The following TENM3 variants were observed in gnomAD, a reference collection of about 807,000 sequenced individuals.
TENM3 encodes teneurin transmembrane protein 3, also known as teneurin-3.
Under a neutral mutation model 255.1 loss-of-function variants are expected in TENM3, and 63 were observed. That is an observed-to-expected ratio of 0.25 (90% CI 0.20 to 0.30). The LOEUF (loss-of-function observed/expected upper bound fraction) is 0.30, where lower values mean the gene tolerates loss of function less well. Among genes scored for constraint, TENM3 ranks in the 10% least tolerant of loss-of-function variants. TENM3 has a pLI of 1.00. For synonymous variants in TENM3, 1,306 were observed against 1,322.3 expected, an observed-to-expected ratio of 0.99 and a Z score of 0.27; for missense variants, 2,929 against 3,461.1, an observed-to-expected ratio of 0.85 and a Z score of 3.86.
intron 4 of TENM3, among the ~76,000 whole-genome samples, chr4:182,613,891 A>G (rs1270475360): frequency 1.3e-5 from 2 of 152,230 alleles, no homozygotes; most frequent in Non-Finnish European, 2.9e-5. Flanking sequence ...AGTGAAGTGT[A>G]TCTTGTTTAT....
At chr4:181,769,309 A>C in the TENM3 span, among the ~76,000 whole-genome samples, 133 of 152,332 alleles carry the variant, frequency 8.7e-4, no homozygotes, top group African/African-American at 3.1e-3. Context: ...CAGCTTCCGC[A>C]TGCAAAGGAG....
At chr4:182,668,056 T>C (rs570524069) in intron 6 of TENM3, among the ~76,000 whole-genome samples, 2 of 152,126 alleles carry the variant, frequency 1.3e-5, no homozygotes, top group Non-Finnish European at 2.9e-5. Flanking sequence ...TCTCTCTTTC[T>C]TGATGTATTT....
chr4:181,941,440 C>G, the TENM3 span, among the ~76,000 whole-genome samples: 3 of 151,986 alleles, frequency 2.0e-5, no homozygotes, highest in Non-Finnish European at 4.4e-5. Context: ...GTTGCCTGAT[C>G]TGCTATTAAG....
chr4:181,770,368 T>A, the TENM3 span, among the ~76,000 whole-genome samples: 129 of 152,304 alleles, frequency 8.5e-4, no homozygotes, highest in African/African-American at 2.9e-3. Context: ...AGTGCTAACC[T>A]CACTGTCTTA....
intron 3 of TENM3, among the ~76,000 whole-genome samples, chr4:182,599,375 T>C (rs1374217715): frequency 6.6e-6 from 1 of 152,198 alleles, no homozygotes; most frequent in East Asian, 1.9e-4. Flanking sequence ...CAGTTTCTGG[T>C]ATGGGAAATT....
Position 182,387,199 on chromosome 4 carries a change from A to C in TENM3, c.511+40270A>C, listed in dbSNP as rs564971835. 6.7e-5 allele frequency among the ~76,000 whole-genome samples: 10 copies of C among 150,142 alleles called. No homozygotes were observed. In the East Asian group the frequency reaches 2.0e-3, roughly 30 times the overall value. On this transcript the variant is annotated intron_variant, in intron 3 of 27. Coordinates refer to ENST00000511685, the MANE Select transcript of TENM3 (RefSeq NM_001080477.4). ...GGGATTGTAAATACACCAATCGGCA[A>C]TCTGTATCTAGCTCAAGGTTTGTAA... is the stretch of plus-strand genomic sequence containing the variant.
the TENM3 span, among the ~76,000 whole-genome samples, chr4:181,715,493 ATAC>A: frequency 6.6e-6 from 1 of 152,226 alleles, no homozygotes; most frequent in African/African-American, 2.4e-5. Context: ...TATAAATATT[ATAC>A]TTTTATGGAA....
chr4:182,300,260 A>G (rs1761773107), intron 1 of TENM3, among the ~76,000 whole-genome samples: 1 of 149,208 alleles, frequency 6.7e-6, no homozygotes. Context: ...TGAAAGAAGC[A>G]AGGGAAGAAG....
the TENM3 span, among the ~76,000 whole-genome samples, chr4:181,624,829 G>C: frequency 1.3e-5 from 2 of 152,312 alleles, no homozygotes; most frequent in South Asian, 4.1e-4. Flanking sequence ...CACAGTTGCA[G>C]TTGTGTGGTG....
At chr4:182,347,446 AT>A (rs1271836034) in intron 3 of TENM3, among the ~76,000 whole-genome samples, 1 of 152,200 alleles carries the variant, frequency 6.6e-6, no homozygotes, top group Non-Finnish European at 1.5e-5. Context: ...AAATATGATC[AT>A]GCTTTAAACT....
the TENM3 span, among the ~76,000 whole-genome samples, chr4:181,720,484 GTATT>G: frequency 5.3e-5 from 8 of 152,136 alleles, no homozygotes; most frequent in Non-Finnish European, 1.0e-4. Flanking sequence ...CTGATTGAAA[GTATT>G]TATACAGGGC....
chr4:182,359,458 G>A (rs1375151826), intron 3 of TENM3, among the ~76,000 whole-genome samples: 4 of 150,568 alleles, frequency 2.7e-5, no homozygotes, highest in African/African-American at 4.9e-5. Context: ...GAGAGTGTAT[G>A]TGTCGAGGAA....
At position 182,206,435 on chromosome 4, in the gene TENM3, C is replaced by G. The variant is rs545712256; in HGVS notation, c.-76+61681C>G. ...GGCCAGGGGGCTGCTGATGGATTCA[C>G]GAGAATGTCTCCCTCTCTGAGCCTT... On this transcript the variant is annotated intron_variant, in intron 1 of 2. Transcript: ENST00000512480. 8.0e-4 allele frequency among the ~76,000 whole-genome samples: 122 copies of G among 152,280 alleles called. 1 individual carries two copies. The highest frequency in any genetic ancestry group is 2.8e-3 in the African/African-American group (115 of 41,564).
At chr4:181,680,497 C>A in the TENM3 span, among the ~76,000 whole-genome samples, 1 of 152,214 alleles carries the variant, frequency 6.6e-6, no homozygotes, top group South Asian at 2.1e-4. Flanking sequence ...GGATGTCTTG[C>A]CGAAGCAACC....
At chr4:181,965,656 G>A in the TENM3 span, among the ~76,000 whole-genome samples, 22 of 152,138 alleles carry the variant, frequency 1.4e-4, no homozygotes, top group African/African-American at 4.8e-4. Context: ...TCTTAAGAAT[G>A]TCATGTTACA....
chr4:182,563,343 G>A (rs1342018690), intron 3 of TENM3, among the ~76,000 whole-genome samples: 1 of 152,138 alleles, frequency 6.6e-6, no homozygotes, highest in Non-Finnish European at 1.5e-5. Flanking sequence ...GGAGGCAGGA[G>A]AATCGCTAGA....
intron 3 of TENM3, among the ~76,000 whole-genome samples, chr4:182,415,836 C>T (rs558514410): frequency 1.3e-4 from 20 of 152,170 alleles, no homozygotes; most frequent in African/African-American, 2.4e-4. Context: ...TGACCTGTTA[C>T]GTTTCTGCTT....
intron 3 of TENM3, among the ~76,000 whole-genome samples, chr4:182,598,076 G>C (rs1747447317): frequency 6.6e-6 from 1 of 152,224 alleles, no homozygotes; most frequent in South Asian, 2.1e-4. Context: ...CTACTCAGGA[G>C]GCTGAGGTGG....
At chr4:181,889,497 G>A in the TENM3 span, among the ~76,000 whole-genome samples, 2 of 152,170 alleles carry the variant, frequency 1.3e-5, no homozygotes, top group Non-Finnish European at 2.9e-5. Context: ...AGCAACGCAA[G>A]AACAGCCTAG....
Sources: gnomAD v4.1 joint callset for allele counts (sites outside exome capture counted in the v4.1 genomes callset) on GRCh38, gnomAD v4.1.1 for gene constraint, MANE v1.5 for transcripts, NCBI Gene and HGNC (gene_info 2026-07-23, HGNC 2026-07-21) for gene names.